Variants in UBA2 observed in about 807,000 individuals in gnomAD.
UBA2 encodes the protein ubiquitin like modifier activating enzyme 2, also known as SUMO-activating enzyme subunit 2.
A neutral mutation model predicts 77.2 loss-of-function variants in UBA2; 11 were observed. That is an observed-to-expected ratio of 0.14 (90% CI 0.09 to 0.24). The LOEUF (loss-of-function observed/expected upper bound fraction) is 0.24. UBA2 is among the 10% of genes least tolerant of loss of function. The probability of loss-of-function intolerance (pLI) is 1.00; values close to 1 mark genes in which losing one functional copy is unlikely to be tolerated. For synonymous variants in UBA2, 278 were observed against 276.7 expected (o/e 1.00, Z -0.05); for missense variants, 487 against 781.7 (o/e 0.62, Z 4.50).
chr19:34,467,104 A>T, intron 16 of UBA2, 90 bp downstream of exon 16: 1 of 1,454,322 alleles, frequency 6.9e-7, no homozygotes, highest in African/African-American at 1.4e-5. Context: ...CCATAAATCC[A>T]TAAAACTACT....
intron 8 of UBA2, among the ~76,000 whole-genome samples, chr19:34,446,461 G>A (rs566015214): frequency 1.4e-4 from 22 of 152,062 alleles, no homozygotes; most frequent in Middle Eastern, 3.4e-3. Context: ...CCTGTGTCTC[G>A]GATCTTTTTT....
chr19:34,460,787 C>G (rs978633504), intron 14 of UBA2, among the ~76,000 whole-genome samples: 2 of 152,214 alleles, frequency 1.3e-5, no homozygotes, highest in Non-Finnish European at 1.5e-5. Flanking sequence ...CTCTTGTCCA[C>G]TTCCAAGGAA....
At chr19:34,463,163 G>A (rs1266693714) in intron 14 of UBA2, among the ~76,000 whole-genome samples, 2 of 152,032 alleles carry the variant, frequency 1.3e-5, no homozygotes, top group Non-Finnish European at 2.9e-5. Flanking sequence ...CAGCTATTCT[G>A]GAGGCTGAGG....
chr19:34,428,737 A>G (rs1599881752), intron 1 of UBA2, 167 bp downstream of exon 1: 26 of 1,146,778 alleles, frequency 2.3e-5, no homozygotes, highest in Non-Finnish European at 2.7e-5. Flanking sequence ...CCGCGGGAGG[A>G]GACTGTTCTT....
chr19:34,456,833 C>G (rs567092934), intron 12 of UBA2, among the ~76,000 whole-genome samples: 1 of 152,020 alleles, frequency 6.6e-6, no homozygotes, highest in Non-Finnish European at 1.5e-5. Flanking sequence ...GCTAGAATTA[C>G]AGGAGTGAGC....
intron 1 of UBA2, chr19:34,429,176 G>C (rs1431113507): frequency 1.0e-6 from 1 of 985,192 alleles, no homozygotes; most frequent in Admixed American, 6.1e-5. Flanking sequence ...GGAGCGAGTG[G>C]CAGGGCTCCC....
intron 10 of UBA2, among the ~76,000 whole-genome samples, chr19:34,453,870 C>A (rs1454253628): frequency 6.6e-6 from 1 of 152,144 alleles, no homozygotes; most frequent in African/African-American, 2.4e-5. Flanking sequence ...GGCCTGGATT[C>A]TGTGTTTGTC....
intron 6 of UBA2, among the ~76,000 whole-genome samples, chr19:34,440,402 A>G (rs1209225056): frequency 6.6e-6 from 1 of 152,190 alleles, no homozygotes; most frequent in Non-Finnish European, 1.5e-5. Flanking sequence ...TAAATAATGC[A>G]CCGAACCTAT....
intron 15 of UBA2, among the ~76,000 whole-genome samples, chr19:34,465,948 AGTT>A (rs1174804922): frequency 1.3e-5 from 2 of 152,128 alleles, no homozygotes; most frequent in Admixed American, 1.3e-4. Flanking sequence ...TGTTTTTGGG[AGTT>A]CATGTACAGA....
chr19:34,465,563 G>A lies in UBA2; in HGVS notation c.1605-1315G>A, dbSNP rs561258191. On this transcript the variant is annotated intron_variant, in intron 15 of 16. Coordinates refer to ENST00000246548, the MANE Select transcript of UBA2 (RefSeq NM_005499.3). ...GAGGCGGGAGAATTGTTTGAACCGG[G>A]GAGCCGAGTTTGCAGTGAGCCGAGA... 1.8e-3 allele frequency among the ~76,000 whole-genome samples: 270 copies of A among 151,880 alleles called. 4 individuals are homozygous for A. In the South Asian group the frequency reaches 0.029, roughly 16 times the overall value.
At chr19:34,429,328 T>C in intron 1 of UBA2, 1 of 833,194 alleles carries the variant, frequency 1.2e-6, no homozygotes, top group Non-Finnish European at 1.4e-6. Context: ...TAATGCAAAC[T>C]TTTTAGAGAT....
chr19:34,433,951 C>G (rs1484693167), intron 4 of UBA2, among the ~76,000 whole-genome samples: 6 of 152,188 alleles, frequency 3.9e-5, no homozygotes, highest in African/African-American at 1.4e-4. Flanking sequence ...GAGTGCGACC[C>G]TGTCTCAAAA....
intron 8 of UBA2, among the ~76,000 whole-genome samples, chr19:34,446,124 C>CA (rs2075427685): frequency 6.6e-6 from 1 of 152,126 alleles, no homozygotes; most frequent in Non-Finnish European, 1.5e-5. Flanking sequence ...AGCGATCCTC[C>CA]AGCCTCTGCC....
At chr19:34,438,298 T>C (rs929387201) in intron 5 of UBA2, among the ~76,000 whole-genome samples, 4 of 152,186 alleles carry the variant, frequency 2.6e-5, no homozygotes, top group African/African-American at 9.7e-5. Flanking sequence ...GAGAAATAAT[T>C]TCTTGGAAAG....
chr19:34,469,095 T>C lies in UBA2; in HGVS notation c.1797T>C (p.Asn599=). ...IVDSDEEDSS[N]NADVSEEERS... is the part of the protein sequence containing the mutation. ...ATTCAGATGAAGAAGATTCTTCAAATAATGCCGACGTCAGTGAAGAAGAGA... is the reference window on the plus strand; with the variant it reads ...ATTCAGATGAAGAAGATTCTTCAAACAATGCCGACGTCAGTGAAGAAGAGA... Residue 599 remains asparagine (N), a synonymous_variant, in exon 17 of 17, where the codon AAT becomes AAC. Coordinates refer to ENST00000246548, the MANE Select transcript of UBA2 (RefSeq NM_005499.3). 1 of 1,612,576 alleles carries C rather than the reference T, an allele frequency of 6.2e-7. No individual in the cohort carries two copies. Among genetic ancestry groups the C allele is most frequent in the Non-Finnish European group, 8.5e-7 (1 of 1,179,558 alleles).
At chr19:34,461,362 A>C (rs1025671425) in intron 14 of UBA2, among the ~76,000 whole-genome samples, 1 of 152,150 alleles carries the variant, frequency 6.6e-6, no homozygotes, top group Non-Finnish European at 1.5e-5. Flanking sequence ...GTTTAGTGTC[A>C]AGGTTCTTCT....
chr19:34,438,005 T>A (rs1213101991), intron 5 of UBA2, among the ~76,000 whole-genome samples: 1 of 152,104 alleles, frequency 6.6e-6, no homozygotes, highest in Non-Finnish European at 1.5e-5. Flanking sequence ...CAGCCAAGAT[T>A]ATGCCACTGT....
chr19:34,461,636 TGTG>T (rs2075632135), intron 14 of UBA2, among the ~76,000 whole-genome samples: 2 of 152,182 alleles, frequency 1.3e-5, no homozygotes, highest in African/African-American at 4.8e-5. Flanking sequence ...ACGGAATACA[TGTG>T]GTATGGAGGG....
intron 1 of UBA2, chr19:34,429,310 A>G: frequency 2.1e-6 from 2 of 934,234 alleles, no homozygotes; most frequent in Non-Finnish European, 2.6e-6. Context: ...TTGAATCGTT[A>G]TTTCTACTAA....
Sources: allele counts gnomAD v4.1 joint callset (sites outside exome capture counted in the v4.1 genomes callset), GRCh38; gene constraint gnomAD v4.1.1; transcripts MANE v1.5; gene names NCBI Gene and HGNC (gene_info 2026-07-23, HGNC 2026-07-21).